PCNX2: variants seen among roughly 807,000 people sequenced by gnomAD.
PCNX2 encodes pecanex 2.
In PCNX2, 168 loss-of-function variants were observed where a neutral mutation model predicts 223.8. That is an observed-to-expected ratio of 0.75 (90% confidence interval 0.66 to 0.85). The LOEUF is 0.85. PCNX2 is among the 40% of genes least tolerant of loss of function. PCNX2 has a pLI of 0.00. For synonymous variants in PCNX2, 1,006 were observed against 1,052.6 expected (o/e 0.96, Z 0.86); for missense variants, 2,507 against 2,675.5 (o/e 0.94, Z 1.39).
intron 17 of PCNX2, among the ~76,000 whole-genome samples, chr1:233,170,283 T>C (rs1254396166): frequency 6.6e-6 from 1 of 152,208 alleles, no homozygotes; most frequent in Non-Finnish European, 1.5e-5. Context: ...ATGAGAATTC[T>C]CTTGCTCTAC....
chr1:233,245,104 T>C (rs1448026146), intron 8 of PCNX2, among the ~76,000 whole-genome samples: 2 of 152,262 alleles, frequency 1.3e-5, no homozygotes, highest in Admixed American at 1.3e-4. Flanking sequence ...TAGCTTCTCC[T>C]GCTGTCCCTC....
chr1:233,250,761 T>C lies in PCNX2; in HGVS notation c.2200A>G (p.Asn734Asp). ...CACCGAGCCTGAGAGAGACAGTCAT[T>C]ATTTGATGGTAGAGGCTGTAAAGGG... ...EGPLQPLPSN[N>D]DCLSQAREMQ... Residue 734 changes from asparagine (N) to aspartate (D), a missense_variant, in exon 8 of 34, where the codon AAT becomes GAT. Physicochemically the swap from Asn to Asp is conservative, Grantham distance 23 (BLOSUM62 1). Coordinates refer to ENST00000258229, the MANE Select transcript of PCNX2 (RefSeq NM_014801.4). 6.2e-7 allele frequency: 1 copy of C among 1,607,030 alleles called. No individual in the cohort carries two copies. Among genetic ancestry groups the C allele is most frequent in the South Asian group, 1.1e-5 (1 of 89,024 alleles).
At chr1:233,202,851 C>A (rs575328401) in intron 13 of PCNX2, among the ~76,000 whole-genome samples, 7 of 152,296 alleles carry the variant, frequency 4.6e-5, no homozygotes, top group Middle Eastern at 6.8e-3. Flanking sequence ...TGATAAACAA[C>A]CCATCCAGTG....
rs543532647 is a variant in PCNX2 at position 233,278,172 on chromosome 1, C to T, written c.154-15009G>A. Among the ~76,000 whole-genome samples, 16 of 150,500 alleles carry T rather than the reference C, an allele frequency of 1.1e-4. No homozygotes were observed. The South Asian group carries it at 2.6e-3, about 24-fold the overall frequency. ...CTTTGTGTGCACACAGTACCTGACA[C>T]GCAGTCAACACTGGGCCCTTTCTTG... On this transcript the variant is annotated intron_variant, in intron 1 of 33. Transcript: ENST00000258229.
intron 15 of PCNX2, among the ~76,000 whole-genome samples, chr1:233,194,593 C>T (rs1363904381): frequency 1.3e-5 from 2 of 152,004 alleles, no homozygotes; most frequent in Non-Finnish European, 2.9e-5. Flanking sequence ...CCAAATATTA[C>T]TATATAAAAA....
intron 16 of PCNX2, 46 bp from the exon 17 acceptor site, chr1:233,177,944 C>G (rs535070872): frequency 1.8e-4 from 272 of 1,513,930 alleles, no homozygotes; most frequent in Non-Finnish European, 2.3e-4. Context: ...GTTCCTGGGA[C>G]AGTGTTTTCG....
Position 233,000,618 on chromosome 1 carries a change from G to T in PCNX2, c.5098-83C>A. ...GAAGCATGCAGATGGCAACTGGCCA[G>T]TGACCTCCAAAGCTAAGCTCTTTCC... On this transcript the variant is annotated intron_variant, in intron 29 of 33. Coordinates refer to ENST00000258229, the MANE Select transcript of PCNX2 (RefSeq NM_014801.4). This position sits in a 1 kb window ranked among gnomAD's most constrained non-coding sequence, Gnocchi z 4.6. 9.1e-7 allele frequency: 1 copy of T among 1,099,116 alleles called. No homozygotes were observed. Among genetic ancestry groups the T allele is most frequent in the Non-Finnish European group, 1.3e-6 (1 of 760,038 alleles). 68.1% of individuals were successfully genotyped at this position (1,099,116 alleles called of 1,614,324 possible).
chr1:233,091,546 C>T (rs1407198274), intron 22 of PCNX2, among the ~76,000 whole-genome samples: 1 of 151,944 alleles, frequency 6.6e-6, no homozygotes, highest in Non-Finnish European at 1.5e-5. Flanking sequence ...CACACTTTCA[C>T]ATACATTTTC....
intron 1 of PCNX2, chr1:233,289,446 A>G (rs1375148217): frequency 2.9e-6 from 4 of 1,365,276 alleles, no homozygotes; most frequent in Middle Eastern, 2.5e-4. Flanking sequence ...CGTACTGAAC[A>G]TGGCCTTCTC....
intron 19 of PCNX2, among the ~76,000 whole-genome samples, chr1:233,156,127 G>T (rs947746502): frequency 2.0e-5 from 3 of 152,140 alleles, no homozygotes. Context: ...GCATATCAAG[G>T]TTGGGAGGAG....
chr1:233,301,151 G>A, the PCNX2 span, among the ~76,000 whole-genome samples: 1 of 152,038 alleles, frequency 6.6e-6, no homozygotes, highest in Non-Finnish European at 1.5e-5. Flanking sequence ...ATCAAAAATT[G>A]AAAAATGTTG....
chr1:233,217,703 C>T (rs1251773683), intron 12 of PCNX2, among the ~76,000 whole-genome samples, 196 bp downstream of exon 12: 2 of 152,128 alleles, frequency 1.3e-5, no homozygotes, highest in Non-Finnish European at 2.9e-5. Flanking sequence ...TTCCCCCATA[C>T]CACCCACACC....
chr1:233,052,447 G>A (rs1672041539), intron 25 of PCNX2, among the ~76,000 whole-genome samples: 1 of 152,196 alleles, frequency 6.6e-6, no homozygotes, highest in South Asian at 2.1e-4. Context: ...TACATCGGAT[G>A]ACTTGGTGCT....
chr1:233,221,343 T>C (rs1421617508), intron 10 of PCNX2, among the ~76,000 whole-genome samples: 1 of 151,914 alleles, frequency 6.6e-6, no homozygotes, highest in Non-Finnish European at 1.5e-5. Flanking sequence ...TTTTGATGGA[T>C]ACTTAAAAAT....
At position 233,090,105 on chromosome 1, in the gene PCNX2, G is replaced by A. The variant is rs1305168670; in HGVS notation, c.4032C>T (p.Ile1344=). The part of the protein sequence containing the change: ...LSPFLGSVIF[I]TSYVRPVKFW... ...ATTTCACTGGCCTGACATATGATGT[G>A]ATGAAAATGACACTCCCAAGAAATG... The change falls in exon 23 of 34, where the codon ATC becomes ATT. Residue 1344 remains isoleucine (I), a synonymous_variant. Transcript: ENST00000258229. 9 of 1,613,744 alleles carry A rather than the reference G, an allele frequency of 5.6e-6. No homozygotes were observed. The highest frequency in any genetic ancestry group is 7.6e-6 in the Non-Finnish European group (9 of 1,179,856).
intron 19 of PCNX2, among the ~76,000 whole-genome samples, chr1:233,153,316 G>A (rs944404950): frequency 3.3e-5 from 5 of 152,314 alleles, no homozygotes; most frequent in Admixed American, 3.3e-4. Context: ...ACTTGCAGCA[G>A]GTTCCAGGAG....
chr1:233,118,077 T>C (rs1188262051), intron 21 of PCNX2, among the ~76,000 whole-genome samples: 1 of 151,976 alleles, frequency 6.6e-6, no homozygotes, highest in Non-Finnish European at 1.5e-5. Flanking sequence ...GCAAGGTTGG[T>C]TTAATTTTCA....
rs1366903169 is a variant in PCNX2, at chr1:233,126,869, ACC to A, written c.3837+8142_3837+8143del. On this transcript the variant is annotated intron_variant, in intron 21 of 33. Transcript: ENST00000258229. The surrounding 1 kb of genome is among the most constrained non-coding windows in gnomAD (Gnocchi z 4.8). ...ATTATTCCCTAATCTAGTTAATGAC[ACC>A]CCCTTTCATCTAGTCACTGAAGTAT... Among the ~76,000 whole-genome samples, 4 of 151,960 alleles carry A rather than the reference ACC, an allele frequency of 2.6e-5. No individual in the cohort carries two copies. Among genetic ancestry groups the A allele is most frequent in the East Asian group, 3.9e-4 (2 of 5,166 alleles).
rs1298768679 is a variant in PCNX2 at position 233,295,319 on chromosome 1, C to A, written c.153+7G>T. ...CAGCTCCCCGGGACCGGACCCTCCC[C>A]ACTCACCAGGTGCAGGGCCAGGGGC... On this transcript the variant is annotated splice_region_variant and intron_variant, in intron 1 of 33. Transcript: ENST00000258229. The surrounding 1 kb of genome is among the most constrained non-coding windows in gnomAD (Gnocchi z 4.1). The A allele has an allele frequency of 1.3e-6, 2 of 1,575,088 alleles. No homozygotes were observed. Among genetic ancestry groups the A allele is most frequent in the East Asian group, 2.4e-5 (1 of 42,544 alleles).
Sources: gnomAD v4.1 joint callset for allele counts (sites outside exome capture counted in the v4.1 genomes callset) on GRCh38, gnomAD v4.1.1 for gene constraint, Gnocchi (gnomAD v3.1) non-coding constraint, MANE v1.5 for transcripts, NCBI Gene and HGNC (gene_info 2026-07-23, HGNC 2026-07-21) for gene names.